The following NDRG1 variants were observed in gnomAD, a reference collection of about 807,000 sequenced individuals.
NDRG1 encodes the protein protein NDRG1.
In NDRG1, 32 loss-of-function variants were observed where a neutral mutation model predicts 56.9. The observed-to-expected ratio is 0.56, with a 90% CI of 0.42 to 0.76. The LOEUF (loss-of-function observed/expected upper bound fraction) is 0.76, where lower values mean the gene tolerates loss of function less well. NDRG1 is among the 30% of genes least tolerant of loss of function. NDRG1 has a pLI of 0.00. For synonymous variants in NDRG1, 211 were observed against 204.1 expected (o/e 1.03, Z -0.29); for missense variants, 507 against 545.7 (o/e 0.93, Z 0.71).
intron 14 of NDRG1, among the ~76,000 whole-genome samples, chr8:133,244,148 C>T (rs1022561460): frequency 6.6e-6 from 1 of 152,230 alleles, no homozygotes; most frequent in African/African-American, 2.4e-5. Flanking sequence ...AATCCCCCAA[C>T]CTCTGTGAAC....
intron 11 of NDRG1, among the ~76,000 whole-genome samples, chr8:133,248,238 C>G (rs1465029522): frequency 1.3e-5 from 2 of 152,180 alleles, no homozygotes; most frequent in Non-Finnish European, 2.9e-5. Flanking sequence ...GCATGAAGGA[C>G]AAAGGCAATG....
At chr8:133,263,549 T>C (rs906499857) in intron 4 of NDRG1, among the ~76,000 whole-genome samples, 5 of 152,200 alleles carry the variant, frequency 3.3e-5, no homozygotes, top group African/African-American at 1.2e-4. Flanking sequence ...AATCTTGGAA[T>C]TCACAGTCTA....
chr8:133,280,076 G>A (rs1347848195), intron 3 of NDRG1, among the ~76,000 whole-genome samples, 156 bp downstream of exon 3: 1 of 152,176 alleles, frequency 6.6e-6, no homozygotes, highest in East Asian at 1.9e-4. Context: ...TTCTGTCTGG[G>A]AGCAGCAGCT....
chr8:133,265,991 T>G (rs972566057), intron 3 of NDRG1, among the ~76,000 whole-genome samples: 4 of 152,240 alleles, frequency 2.6e-5, no homozygotes, highest in Non-Finnish European at 5.9e-5. Flanking sequence ...CACAGGGCAG[T>G]TGGGGAGCAG....
chr8:133,261,923 G>C, intron 5 of NDRG1, 124 bp downstream of exon 5: 1 of 1,339,458 alleles, frequency 7.5e-7, no homozygotes, highest in Non-Finnish European at 1.0e-6. Flanking sequence ...TTTAAAAAGT[G>C]CTTAAGATGA....
chr8:133,291,025 G>A (rs1858398916), intron 1 of NDRG1, among the ~76,000 whole-genome samples: 1 of 152,196 alleles, frequency 6.6e-6, no homozygotes, highest in South Asian at 2.1e-4. Flanking sequence ...AAAACTCACT[G>A]GTTTGTTGTG....
intron 1 of NDRG1, among the ~76,000 whole-genome samples, chr8:133,294,239 A>C (rs1164442367): frequency 6.6e-6 from 1 of 152,146 alleles, no homozygotes; most frequent in Non-Finnish European, 1.5e-5. Flanking sequence ...TGGCTCTCCC[A>C]CCTGAGCCAT....
chr8:133,264,607 A>T lies in NDRG1; in HGVS notation c.145T>A (p.Cys49Ser). 1 of 1,614,178 alleles carries T rather than the reference A, an allele frequency of 6.2e-7. No homozygotes were observed. The highest frequency in any genetic ancestry group is 2.2e-5 in the East Asian group (1 of 44,884). The change falls in exon 4 of 16, where the codon TGT (cysteine) becomes AGT (serine). Residue 49 changes from cysteine (C) to serine (S), a missense_variant. Coordinates refer to ENST00000323851, the MANE Select transcript of NDRG1 (RefSeq NM_006096.4). The stretch of plus-strand genomic sequence containing the variant: ...GGCCGGTTTCCCTTGGGAGTCCCAC[A>T]CAGCGTGACGTGAACAGAGCCATGT... Reference protein sequence around the residue: ...TLHGSVHVTLCGTPKGNRPVI... With the variant: ...TLHGSVHVTLSGTPKGNRPVI...
chr8:133,260,150 C>G (rs1207531158), intron 5 of NDRG1, among the ~76,000 whole-genome samples: 1 of 152,172 alleles, frequency 6.6e-6, no homozygotes, highest in Non-Finnish European at 1.5e-5. Context: ...ATTGCAGGGC[C>G]CTCTGTTTCT....
chr8:133,262,054 G>C lies in NDRG1; in HGVS notation c.319C>G (p.Pro107Ala). 6.2e-7 allele frequency: 1 copy of C among 1,612,036 alleles called. No individual in the cohort carries two copies. Among genetic ancestry groups the C allele is most frequent in the South Asian group, 1.1e-5 (1 of 90,978 alleles). Residue 107 changes from proline (P) to alanine (A), a missense_variant, in exon 5 of 16, where the codon CCC (proline) becomes GCC (alanine). By Grantham distance (27) the Pro-to-Ala change is conservative (BLOSUM62 -1). Transcript: ENST00000323851. Reference protein sequence around the residue: ...PGQQDGAASFPAGYMYPSMDQ... With the variant: ...PGQQDGAASFAAGYMYPSMDQ... Reference sequence around the variant, plus strand: ...GGGCAAGAGGCCTCTCACCCTGCGGGGAAGGAGGCTGCGCCGTCCTGCTGG... The same window carrying C: ...GGGCAAGAGGCCTCTCACCCTGCGGCGAAGGAGGCTGCGCCGTCCTGCTGG...
chr8:133,296,698 C>CAG (rs1194787685), intron 1 of NDRG1: 102 of 92,722 alleles, frequency 1.1e-3, no homozygotes, highest in Middle Eastern at 9.8e-3. Context: ...GACACAGACA[C>CAG]ACACACACAC....
intron 3 of NDRG1, among the ~76,000 whole-genome samples, chr8:133,266,508 C>G (rs1856927433): frequency 6.6e-6 from 1 of 152,156 alleles, no homozygotes. Context: ...CAGCTTGAAT[C>G]TTTAAAACAG....
intron 2 of NDRG1, 52 bp downstream of exon 2, chr8:133,284,197 G>T: frequency 5.1e-6 from 8 of 1,556,706 alleles, no homozygotes; most frequent in Non-Finnish European, 5.3e-6. Flanking sequence ...GCCTGTGTGT[G>T]TCTATGTGCA....
intron 5 of NDRG1, among the ~76,000 whole-genome samples, chr8:133,260,745 A>T (rs541592799): frequency 6.6e-6 from 1 of 152,290 alleles, no homozygotes; most frequent in Middle Eastern, 3.4e-3. Context: ...AAGGTTAATT[A>T]TTAAGGATAA....
At chr8:133,260,676 C>A (rs148107806) in intron 5 of NDRG1, among the ~76,000 whole-genome samples, 1 of 152,336 alleles carries the variant, frequency 6.6e-6, no homozygotes, top group African/African-American at 2.4e-5. Context: ...TTTTAATACA[C>A]TTTTAATTTT....
intron 15 of NDRG1, 134 bp from the exon 16 acceptor site, chr8:133,239,253 G>C: frequency 2.1e-6 from 3 of 1,410,040 alleles, no homozygotes; most frequent in South Asian, 1.3e-5. Flanking sequence ...CCATCCAGCT[G>C]CTGGGCCCCC....
intron 6 of NDRG1, 31 bp from the exon 7 acceptor site, chr8:133,258,457 C>G: frequency 6.3e-7 from 1 of 1,596,528 alleles, no homozygotes; most frequent in Non-Finnish European, 8.5e-7. Context: ...GCATGTCACA[C>G]AAGGACAGAG....
intron 3 of NDRG1, among the ~76,000 whole-genome samples, chr8:133,274,823 G>A (rs1422188855): frequency 1.3e-5 from 2 of 152,166 alleles, no homozygotes; most frequent in Admixed American, 1.3e-4. Flanking sequence ...GCTCAATGTG[G>A]CTCACTTCAC....
chr8:133,295,929 C>T (rs769608220), intron 1 of NDRG1, among the ~76,000 whole-genome samples: 24 of 152,090 alleles, frequency 1.6e-4, no homozygotes, highest in Non-Finnish European at 3.2e-4. Context: ...GCCCTGCCTC[C>T]CCCACCCACT....
Sources: gnomAD v4.1 joint callset for allele counts (sites outside exome capture counted in the v4.1 genomes callset) on GRCh38, gnomAD v4.1.1 for gene constraint, MANE v1.5 for transcripts, NCBI Gene and HGNC (gene_info 2026-07-23, HGNC 2026-07-21) for gene names.